Variants in UNC5D observed in about 807,000 individuals in gnomAD.
UNC5D encodes the protein netrin receptor UNC5D.
Under a neutral mutation model 105.4 loss-of-function variants are expected in UNC5D, and 39 were observed. The ratio of observed to expected loss-of-function variants is 0.37; its 90% CI spans 0.29 to 0.48. The LOEUF is 0.48. UNC5D is among the 20% of genes least tolerant of loss of function. The pLI is 0.98. For missense variants in UNC5D, 991 were observed against 1,202.4 expected (o/e 0.82, Z 2.60); for synonymous variants, 452 against 450.4 (o/e 1.00, Z -0.04).
intron 1 of UNC5D, among the ~76,000 whole-genome samples, chr8:35,475,617 G>A (rs1461359164): frequency 6.6e-6 from 1 of 152,172 alleles, no homozygotes. Context: ...GGGGTGGGAG[G>A]TACATGTCAA....
At chr8:35,575,398 T>G (rs746590436) in intron 3 of UNC5D, among the ~76,000 whole-genome samples, 4 of 152,172 alleles carry the variant, frequency 2.6e-5, no homozygotes, top group Non-Finnish European at 4.4e-5. Flanking sequence ...GCATCTGGCT[T>G]CTTAGTGAAT....
Position 35,404,809 on chromosome 8 carries a change from T to G in UNC5D, c.104-144483T>G, listed in dbSNP as rs541349424. On this transcript the variant is annotated intron_variant, in intron 1 of 16. Coordinates refer to ENST00000404895, the MANE Select transcript of UNC5D (RefSeq NM_080872.4). ...TTCACCACGTTGGCCAGGCTGGTCT[T>G]GAACTCCTGATCTCAGGTGATACCC... is the stretch of plus-strand genomic sequence containing the variant. Among the ~76,000 whole-genome samples the G allele has an allele frequency of 7.2e-5, 11 of 152,154 alleles. No homozygotes were observed. In the East Asian group the frequency reaches 2.1e-3, roughly 29 times the overall value.
intron 11 of UNC5D, among the ~76,000 whole-genome samples, chr8:35,743,833 G>T (rs1425594599): frequency 6.6e-6 from 1 of 151,942 alleles, no homozygotes; most frequent in Non-Finnish European, 1.5e-5. Context: ...TTTATCCCTA[G>T]ATACTTCCAT....
At position 35,748,514 on chromosome 8, in the gene UNC5D, T is replaced by G. The variant is rs766957707; in HGVS notation, c.1767-13T>G. On this transcript the variant is annotated splice_polypyrimidine_tract_variant and intron_variant, in intron 11 of 16. Coordinates refer to ENST00000404895, the MANE Select transcript of UNC5D (RefSeq NM_080872.4). ...ACATACTTCTCTCTTCTATCCTTTT[T>G]TCAACTGTGAAGCCTCCAGTCAGAT... 1.3e-4 allele frequency: 204 copies of G among 1,609,900 alleles called. No homozygotes were observed. In the African/African-American group the frequency reaches 2.5e-3, roughly 20 times the overall value.
chr8:35,566,269 C>T (rs993622631), intron 2 of UNC5D, among the ~76,000 whole-genome samples: 2 of 152,046 alleles, frequency 1.3e-5, no homozygotes, highest in Non-Finnish European at 2.9e-5. Context: ...ATAAATAACA[C>T]GTTATTAATT....
intron 1 of UNC5D, among the ~76,000 whole-genome samples, chr8:35,429,310 A>G (rs1806467838): frequency 6.6e-6 from 1 of 152,110 alleles, no homozygotes. Flanking sequence ...TGAGATTATG[A>G]ATTAATTAAT....
chr8:35,495,458 C>CAAAAAAAAAAAAA (rs71547636), intron 1 of UNC5D, among the ~76,000 whole-genome samples: 54 of 44,572 alleles, frequency 1.2e-3, no homozygotes, highest in East Asian at 1.7e-3. Context: ...ACAACAACAA[C>CAAAAAAAAAAAAA]AAAAAAAAAA....
chr8:35,567,074 A>C (rs1817395116), intron 2 of UNC5D, among the ~76,000 whole-genome samples: 1 of 151,064 alleles, frequency 6.6e-6, no homozygotes, highest in Non-Finnish European at 1.5e-5. Flanking sequence ...ATGTAAAGTA[A>C]CAAAAAAAAA....
chr8:35,722,299 T>C lies in UNC5D; in HGVS notation c.1207T>C (p.Tyr403His), dbSNP rs769857365. The change falls in exon 9 of 17, where the codon TAC becomes CAC. Residue 403 changes from tyrosine to histidine, a missense_variant. By Grantham distance (83) the Tyr-to-His change is moderately conservative. Transcript: ENST00000404895. Reference sequence around the variant, plus strand: ...AGTCCTGGTCATTGGTGTCACCCTTTACAGACGGAGCCAGAGTGACTATGG... The same window carrying C: ...AGTCCTGGTCATTGGTGTCACCCTTCACAGACGGAGCCAGAGTGACTATGG... The part of the protein sequence containing the change: ...VAVLVIGVTL[Y>H]RRSQSDYGVD... The C allele has an allele frequency of 6.2e-7, 1 of 1,614,182 alleles. No individual in the cohort carries two copies. The highest frequency in any genetic ancestry group is 8.5e-7 in the Non-Finnish European group (1 of 1,180,024).
At chr8:35,674,284 G>A (rs768974067) in intron 4 of UNC5D, among the ~76,000 whole-genome samples, 6 of 152,116 alleles carry the variant, frequency 3.9e-5, no homozygotes, top group African/African-American at 9.7e-5. Flanking sequence ...GCCAACAGTC[G>A]TTCCAACCAA....
Position 35,339,442 on chromosome 8 carries a change from T to C in UNC5D, c.103+103555T>C, listed in dbSNP as rs759378004. Among the ~76,000 whole-genome samples, 25 of 152,362 alleles carry C rather than the reference T, an allele frequency of 1.6e-4. 1 individual carries two copies. In the South Asian group the frequency reaches 2.1e-3, roughly 13 times the overall value. On this transcript the variant is annotated intron_variant, in intron 1 of 16. Coordinates refer to ENST00000404895, the MANE Select transcript of UNC5D (RefSeq NM_080872.4). ...TTTATTTCCTTTCCATCTGTCTATT[T>C]ATGCTCAAAGTGAAGTCTACAGAGA...
At chr8:35,694,503 T>C (rs1456164321) in intron 7 of UNC5D, among the ~76,000 whole-genome samples, 1 of 152,200 alleles carries the variant, frequency 6.6e-6, no homozygotes, top group Non-Finnish European at 1.5e-5. Context: ...GTTTGAATTC[T>C]GATTACAATA....
intron 1 of UNC5D, among the ~76,000 whole-genome samples, chr8:35,324,182 A>G (rs1335341531): frequency 7.0e-6 from 1 of 142,774 alleles, no homozygotes; most frequent in African/African-American, 2.5e-5. Flanking sequence ...GCAGTGAGCA[A>G]TGATCACACC....
rs755616101 is a variant in UNC5D, at chr8:35,790,444, C to G, written c.2743C>G (p.Leu915Val). The G allele has an allele frequency of 6.2e-7, 1 of 1,613,990 alleles. No individual in the cohort carries two copies. The highest frequency in any genetic ancestry group is 1.7e-5 in the Admixed American group (1 of 60,000). ...AGCTCGTCATCAGCATGATGGTGATCTTGACTCCCTGGCCTGTGCCCTTGA... is the reference window on the plus strand; with the variant it reads ...AGCTCGTCATCAGCATGATGGTGATGTTGACTCCCTGGCCTGTGCCCTTGA... ...WEARHQHDGD[L>V]DSLACALEEI... Residue 915 changes from leucine (L) to valine (V), a missense_variant, in exon 17 of 17, where the codon CTT becomes GTT. Physicochemically the swap from Leu to Val is conservative, Grantham distance 32. Around this residue, in one of 3 missense-constraint regions of UNC5D, gnomAD observed 45 missense variants for 54.5 expected, o/e 0.83. Transcript: ENST00000404895.
chr8:35,430,837 C>G (rs375540230), intron 1 of UNC5D, among the ~76,000 whole-genome samples: 1 of 152,128 alleles, frequency 6.6e-6, no homozygotes, highest in Non-Finnish European at 1.5e-5. Context: ...CCTCAAAGCC[C>G]AGAGTAAGAG....
chr8:35,604,338 A>G (rs1202592706), intron 4 of UNC5D, among the ~76,000 whole-genome samples: 1 of 152,184 alleles, frequency 6.6e-6, no homozygotes, highest in African/African-American at 2.4e-5. Context: ...TCTGGGTTGA[A>G]AATTCTTTTC....
intron 1 of UNC5D, among the ~76,000 whole-genome samples, chr8:35,431,833 A>T (rs1281148444): frequency 1.3e-5 from 2 of 152,278 alleles, no homozygotes; most frequent in South Asian, 2.1e-4. Flanking sequence ...GTAATATTTA[A>T]AAGTAATTTA....
At chr8:35,368,230 G>A (rs1802235689) in intron 1 of UNC5D, among the ~76,000 whole-genome samples, 1 of 152,122 alleles carries the variant, frequency 6.6e-6, no homozygotes, top group South Asian at 2.1e-4. Flanking sequence ...CCTGTAGAGA[G>A]GCTGAAACAA....
At chr8:35,392,536 A>T (rs1007245179) in intron 1 of UNC5D, among the ~76,000 whole-genome samples, 3 of 152,176 alleles carry the variant, frequency 2.0e-5, no homozygotes, top group Non-Finnish European at 4.4e-5. Flanking sequence ...CTATCTTTAA[A>T]GCCAATAAAA....
Sources: allele counts gnomAD v4.1 joint callset (sites outside exome capture counted in the v4.1 genomes callset), GRCh38; gene constraint gnomAD v4.1.1; regional missense constraint gnomAD v4.1.1; transcripts MANE v1.5; gene names NCBI Gene and HGNC (gene_info 2026-07-23, HGNC 2026-07-21).